CSMD1: variants seen among roughly 807,000 people sequenced by gnomAD.
The protein encoded by CSMD1 is CUB and Sushi multiple domains 1, also known as CUB and sushi domain-containing protein 1.
CSMD1 carries 213 observed loss-of-function variants against 417.5 expected under a neutral mutation model. The ratio of observed to expected loss-of-function variants is 0.51; its 90% CI spans 0.46 to 0.57. CSMD1 has a LOEUF of 0.57. CSMD1 is among the 20% of genes least tolerant of loss of function. The pLI is 0.00. For missense variants in CSMD1, 6,923 were observed against 4,529.7 expected (o/e 1.53, Z -15.17); for synonymous variants, 2,862 against 1,736.8 (o/e 1.65, Z -16.11).
chr8:4,179,442 G>A (rs977543637), intron 3 of CSMD1, among the ~76,000 whole-genome samples: 4 of 151,986 alleles, frequency 2.6e-5, no homozygotes, highest in African/African-American at 9.7e-5. Context: ...ATGGATTAAA[G>A]ACTTAAACGT....
intron 1 of CSMD1, among the ~76,000 whole-genome samples, chr8:4,668,230 G>A (rs954427454): frequency 1.3e-5 from 2 of 151,840 alleles, no homozygotes; most frequent in Non-Finnish European, 2.9e-5. Flanking sequence ...TGATAATGGG[G>A]CATTCCGTTG....
intron 3 of CSMD1, among the ~76,000 whole-genome samples, chr8:4,203,704 A>G (rs1042833789): frequency 1.2e-4 from 19 of 152,248 alleles, no homozygotes; most frequent in African/African-American, 4.6e-4. Context: ...ACACACAAAC[A>G]TACACACACA....
chr8:3,256,673 C>A (rs1204318772), intron 26 of CSMD1, among the ~76,000 whole-genome samples: 1 of 152,208 alleles, frequency 6.6e-6, no homozygotes, highest in African/African-American at 2.4e-5. Context: ...ACTTCCAGAA[C>A]TGGATCCTGC....
At chr8:4,854,420 C>T (rs1412900227) in intron 1 of CSMD1, among the ~76,000 whole-genome samples, 6 of 152,144 alleles carry the variant, frequency 3.9e-5, no homozygotes, top group African/African-American at 4.8e-5. Context: ...CCAAGATGGC[C>T]GAATAGGAAC....
At chr8:4,410,256 G>C (rs1019378171) in intron 3 of CSMD1, among the ~76,000 whole-genome samples, 1 of 152,160 alleles carries the variant, frequency 6.6e-6, no homozygotes, top group African/African-American at 2.4e-5. Context: ...CTCTAAGGTA[G>C]GTACCATTTA....
intron 4 of CSMD1, among the ~76,000 whole-genome samples, chr8:4,027,985 A>C (rs1186003330): frequency 6.6e-6 from 1 of 152,234 alleles, no homozygotes; most frequent in African/African-American, 2.4e-5. Context: ...GCACTCTCTT[A>C]AGTGAGATCA....
chr8:3,604,412 A>G (rs1346927395), intron 8 of CSMD1, among the ~76,000 whole-genome samples: 1 of 152,168 alleles, frequency 6.6e-6, no homozygotes, highest in African/African-American at 2.4e-5. Flanking sequence ...TGGTCAGTAT[A>G]TAACACATCT....
chr8:4,240,497 G>C (rs894090971), intron 3 of CSMD1, among the ~76,000 whole-genome samples: 1 of 152,122 alleles, frequency 6.6e-6, no homozygotes, highest in Non-Finnish European at 1.5e-5. Context: ...ATGACACAAA[G>C]CCTGCAGCAA....
intron 2 of CSMD1, among the ~76,000 whole-genome samples, chr8:4,583,173 G>A (rs1023113157): frequency 6.6e-6 from 1 of 152,154 alleles, no homozygotes; most frequent in Non-Finnish European, 1.5e-5. Context: ...CTGCTCCACG[G>A]CACCCAGTCC....
Position 4,962,088 on chromosome 8 carries a change from T to C in CSMD1, c.85+32244A>G, listed in dbSNP as rs548792801. The stretch of plus-strand genomic sequence containing the variant: ...ATCTATTTTCTTTAAGTTTTTGTCA[T>C]GCATGTAAGTATGTATTTTTTTGTT... On this transcript the variant is annotated intron_variant, in intron 1 of 69. Coordinates refer to ENST00000635120, the MANE Select transcript of CSMD1 (RefSeq NM_033225.6). 2.8e-5 allele frequency among the ~76,000 whole-genome samples: 4 copies of C among 142,806 alleles called. No individual in the cohort carries two copies. In the South Asian group the frequency reaches 9.2e-4, roughly 33 times the overall value. 93.7% of individuals were successfully genotyped at this position (142,806 alleles called of 152,430 possible).
chr8:4,066,068 G>T (rs541776979), intron 3 of CSMD1, among the ~76,000 whole-genome samples: 14 of 152,320 alleles, frequency 9.2e-5, no homozygotes, highest in Admixed American at 3.3e-4. Flanking sequence ...CCTGGAATAG[G>T]TGGCTCATTT....
intron 3 of CSMD1, among the ~76,000 whole-genome samples, chr8:4,185,650 C>T (rs530474852): frequency 1.3e-5 from 2 of 152,282 alleles, no homozygotes; most frequent in South Asian, 2.1e-4. Context: ...AAAAGTGACA[C>T]ATTTTAACAT....
intron 3 of CSMD1, among the ~76,000 whole-genome samples, chr8:4,251,969 G>A (rs532940376): frequency 6.6e-6 from 1 of 152,008 alleles, no homozygotes; most frequent in African/African-American, 2.4e-5. Flanking sequence ...GTTCAATGGA[G>A]GTAAGGAGAA....
At chr8:4,917,118 T>A (rs748116186) in intron 1 of CSMD1, among the ~76,000 whole-genome samples, 1 of 152,086 alleles carries the variant, frequency 6.6e-6, no homozygotes, top group Non-Finnish European at 1.5e-5. Context: ...AAACTTACAG[T>A]CATGGTGGAA....
At chr8:4,518,636 G>A (rs1409568285) in intron 2 of CSMD1, among the ~76,000 whole-genome samples, 4 of 140,454 alleles carry the variant, frequency 2.8e-5, no homozygotes, top group Non-Finnish European at 6.2e-5. Context: ...GGCGGGGGGA[G>A]GAATCGCATT....
chr8:4,608,440 T>G (rs35712265), intron 2 of CSMD1, among the ~76,000 whole-genome samples: 11,646 of 152,238 alleles, frequency 0.076, 645 homozygotes, highest in South Asian at 0.2. Flanking sequence ...TGACATGATT[T>G]GCCAGTGGAT....
chr8:4,373,094 C>A (rs998691430), intron 3 of CSMD1, among the ~76,000 whole-genome samples: 1 of 152,122 alleles, frequency 6.6e-6, no homozygotes, highest in African/African-American at 2.4e-5. Flanking sequence ...GTCTGTCTCC[C>A]AAAACCCCAA....
intron 3 of CSMD1, among the ~76,000 whole-genome samples, chr8:4,210,797 A>G (rs1800260705): frequency 6.6e-6 from 1 of 152,202 alleles, no homozygotes; most frequent in Non-Finnish European, 1.5e-5. Context: ...GAGCATATCT[A>G]CAAGGTCTCA....
At chr8:3,730,965 G>A (rs111442871) in intron 6 of CSMD1, among the ~76,000 whole-genome samples, 37 of 152,214 alleles carry the variant, frequency 2.4e-4, no homozygotes, top group African/African-American at 8.4e-4. Flanking sequence ...TTTTAGTGGG[G>A]AAAATTTATT....
Sources: allele counts gnomAD v4.1 joint callset (sites outside exome capture counted in the v4.1 genomes callset), GRCh38; gene constraint gnomAD v4.1.1; transcripts MANE v1.5; gene names NCBI Gene and HGNC (gene_info 2026-07-23, HGNC 2026-07-21).